The following DAPP1 variants were observed in gnomAD, a reference collection of about 807,000 sequenced individuals.
DAPP1 encodes dual adaptor of phosphotyrosine and 3-phosphoinositides 1, also known as dual adapter for phosphotyrosine and 3-phosphotyrosine and 3-phosphoinositide.
A neutral mutation model predicts 41.5 loss-of-function variants in DAPP1; 20 were observed. The observed-to-expected ratio is 0.48, with a 90% CI of 0.34 to 0.70. The LOEUF (loss-of-function observed/expected upper bound fraction) is 0.70, where lower values mean the gene tolerates loss of function less well. DAPP1 is among the 30% of genes least tolerant of loss of function. The pLI, the probability that DAPP1 is intolerant of heterozygous loss-of-function variation, is 0.01. For synonymous variants in DAPP1, 113 were observed against 116.2 expected (o/e 0.97, Z 0.18); for missense variants, 233 against 333.4 (o/e 0.70, Z 2.35).
chr4:99,839,522 C>CAGTGGAACATGCAT (rs1560695476), intron 2 of DAPP1, among the ~76,000 whole-genome samples: 17 of 151,660 alleles, frequency 1.1e-4, no homozygotes, highest in Admixed American at 1.1e-3. Context: ...GGAACATGCA[C>CAGTGGAACATGCAT]GGGAGGAAAA....
At chr4:99,822,262 C>A (rs1364454734) in intron 1 of DAPP1, among the ~76,000 whole-genome samples, 1 of 152,166 alleles carries the variant, frequency 6.6e-6, no homozygotes, top group Non-Finnish European at 1.5e-5. Context: ...TTCATTCACT[C>A]TTCTACTGGG....
At chr4:99,817,449 G>A (rs777586849) in intron 1 of DAPP1, among the ~76,000 whole-genome samples, 9 of 152,182 alleles carry the variant, frequency 5.9e-5, no homozygotes, top group Non-Finnish European at 5.9e-5. Flanking sequence ...CCTACTGTAA[G>A]GGAGAGGGAC....
intron 8 of DAPP1, 70 bp downstream of exon 8, chr4:99,866,191 T>C: frequency 1.1e-6 from 1 of 880,204 alleles, no homozygotes. Flanking sequence ...AACATATTTC[T>C]ATCAAAAGAG....
intron 8 of DAPP1, among the ~76,000 whole-genome samples, chr4:99,867,286 T>C (rs539218132): frequency 4.6e-5 from 7 of 152,360 alleles, no homozygotes; most frequent in African/African-American, 1.7e-4. Context: ...TAATTTCTTA[T>C]TCTTTCTATT....
chr4:99,857,614 T>G (rs1027073597), intron 4 of DAPP1, among the ~76,000 whole-genome samples: 2 of 152,046 alleles, frequency 1.3e-5, no homozygotes, highest in African/African-American at 4.8e-5. Context: ...TTCCAGTATT[T>G]TGTTTTTGAA....
At chr4:99,864,707 C>G (rs1560710341) in intron 7 of DAPP1, among the ~76,000 whole-genome samples, 1 of 152,158 alleles carries the variant, frequency 6.6e-6, no homozygotes, top group Non-Finnish European at 1.5e-5. Flanking sequence ...TCCAGGGTCT[C>G]TACTGTTCTC....
At chr4:99,823,668 G>T (rs1722846681) in intron 1 of DAPP1, among the ~76,000 whole-genome samples, 1 of 152,190 alleles carries the variant, frequency 6.6e-6, no homozygotes, top group Admixed American at 6.5e-5. Context: ...GAACAATGTG[G>T]ACTCACTGAA....
chr4:99,833,523 A>T (rs1166999450), intron 1 of DAPP1, among the ~76,000 whole-genome samples: 1 of 152,184 alleles, frequency 6.6e-6, no homozygotes, highest in East Asian at 1.9e-4. Flanking sequence ...TGCCACAGGG[A>T]TGTCTCAGTG....
chr4:99,858,067 G>A (rs1195478611), intron 4 of DAPP1, among the ~76,000 whole-genome samples: 1 of 152,138 alleles, frequency 6.6e-6, no homozygotes, highest in East Asian at 1.9e-4. Context: ...AAGGGCATTT[G>A]CCTGCGTGAC....
chr4:99,851,946 G>C (rs965462573), intron 3 of DAPP1, among the ~76,000 whole-genome samples: 2 of 151,832 alleles, frequency 1.3e-5, no homozygotes, highest in African/African-American at 2.4e-5. Context: ...CTCTAATTCA[G>C]GTTCTATACT....
In DAPP1 at chr4:99,866,110, C is replaced by A; in HGVS notation, c.763C>A (p.Arg255Ser). ...VEADEWIKILRWKLSQIRKQL... is the reference protein window; with the variant it reads ...VEADEWIKILSWKLSQIRKQL... ...AGCTGATGAGTGGATCAAGATATTA[C>A]GCTGGAAATTGGTGAGAATTTTTAA... Residue 255 changes from arginine (R) to serine (S), a missense_variant, in exon 8 of 9, where the codon CGC (arginine) becomes AGC (serine). Transcript: ENST00000512369. 6.3e-7 allele frequency: 1 copy of A among 1,593,540 alleles called. No homozygotes were observed. The highest frequency in any genetic ancestry group is 8.6e-7 in the Non-Finnish European group (1 of 1,165,206).
chr4:99,867,835 C>G (rs1724512916), intron 8 of DAPP1, among the ~76,000 whole-genome samples: 1 of 152,048 alleles, frequency 6.6e-6, no homozygotes, highest in Non-Finnish European at 1.5e-5. Context: ...CCTTTTAACT[C>G]ATTGAATAGT....
chr4:99,842,430 C>G (rs1723524331), intron 3 of DAPP1, among the ~76,000 whole-genome samples: 1 of 152,258 alleles, frequency 6.6e-6, no homozygotes, highest in African/African-American at 2.4e-5. Context: ...TTCGGCCCCT[C>G]GTGCTGATGG....
chr4:99,817,054 G>A lies in DAPP1; in HGVS notation c.101+40G>A. Reference sequence around the variant, plus strand: ...CTCCTTTCAAAGTACCTAGTGGGTGGACATTGACTCCGCACTCCCACCTGC... The same window carrying A: ...CTCCTTTCAAAGTACCTAGTGGGTGAACATTGACTCCGCACTCCCACCTGC... On this transcript the variant is annotated intron_variant, in intron 1 of 8. Transcript: ENST00000512369. The A allele has an allele frequency of 4.7e-6, 7 of 1,482,420 alleles. No homozygotes were observed. The South Asian group carries it at 7.3e-5, about 15-fold the overall frequency. The allele number at this position is 1,482,420 out of a possible 1,614,324, so 91.8% of individuals were successfully genotyped here. A position where few individuals can be genotyped will look rare whatever the true frequency, so the allele number is the denominator to read the frequency against.
intron 4 of DAPP1, among the ~76,000 whole-genome samples, chr4:99,857,027 A>G (rs549972403): frequency 6.6e-6 from 1 of 152,244 alleles, no homozygotes; most frequent in African/African-American, 2.4e-5. Context: ...AGAACTGTTA[A>G]TGCCTTGCTC....
At chr4:99,848,932 T>C (rs543494634) in intron 3 of DAPP1, among the ~76,000 whole-genome samples, 2 of 152,248 alleles carry the variant, frequency 1.3e-5, no homozygotes, top group East Asian at 3.9e-4. Context: ...GGAGGTACAA[T>C]CTCTGCAGAA....
At chr4:99,831,254 G>A (rs905219753) in intron 1 of DAPP1, among the ~76,000 whole-genome samples, 1 of 152,136 alleles carries the variant, frequency 6.6e-6, no homozygotes, top group African/African-American at 2.4e-5. Flanking sequence ...TTTGATGTGT[G>A]TGTGTATACA....
intron 1 of DAPP1, 65 bp downstream of exon 1, chr4:99,817,079 C>A: frequency 8.1e-7 from 1 of 1,236,988 alleles, no homozygotes; most frequent in South Asian, 1.3e-5. Context: ...CTCCCACCTG[C>A]ATGCTTTGAT....
chr4:99,823,872 C>A (rs1254659285), intron 1 of DAPP1, among the ~76,000 whole-genome samples: 1 of 150,552 alleles, frequency 6.6e-6, no homozygotes, highest in African/African-American at 2.4e-5. Context: ...TAGAATCCAG[C>A]AATTCCATTG....
Sources: gnomAD v4.1 joint callset for allele counts (sites outside exome capture counted in the v4.1 genomes callset) on GRCh38, gnomAD v4.1.1 for gene constraint, MANE v1.5 for transcripts, NCBI Gene and HGNC (gene_info 2026-07-23, HGNC 2026-07-21) for gene names.